Variants in RNF103 observed in about 807,000 individuals in gnomAD.
RNF103 encodes the protein E3 ubiquitin-protein ligase RNF103.
A neutral mutation model predicts 66.2 loss-of-function variants in RNF103; 23 were observed. The ratio of observed to expected loss-of-function variants is 0.35; its 90% CI spans 0.25 to 0.49. The LOEUF (loss-of-function observed/expected upper bound fraction) is 0.49. RNF103 is among the 20% of genes least tolerant of loss of function. RNF103 has a pLI of 0.98. For synonymous variants in RNF103, 297 were observed against 289.9 expected (o/e 1.02, Z -0.25); for missense variants, 730 against 814.7 (o/e 0.90, Z 1.27).
At chr2:86,615,937 T>TA (rs1679001713) in intron 2 of RNF103, among the ~76,000 whole-genome samples, 1 of 152,206 alleles carries the variant, frequency 6.6e-6, no homozygotes, top group Non-Finnish European at 1.5e-5. Context: ...TTCAGCTTCT[T>TA]ACAGTTTAAT....
rs140033438 is a variant in RNF103 at position 86,604,119 on chromosome 2, T to C, written c.1782A>G (p.Ser594=). The C allele has an allele frequency of 6.2e-7, 1 of 1,613,376 alleles. No individual in the cohort carries two copies. Among genetic ancestry groups the C allele is most frequent in the Admixed American group, 1.7e-5 (1 of 60,006 alleles). The part of the protein sequence containing the change: ...QTSPCERKGR[S]YGSYNTNEDM... ...CTTCATTAGTGTTATATGATCCATA[T>C]GACCTCCCCTTCCTTTCACATGGGC... is the stretch of plus-strand genomic sequence containing the variant. The change falls in exon 4 of 4, where the codon TCA becomes TCG. Residue 594 remains serine, a synonymous_variant. Coordinates refer to ENST00000237455, the MANE Select transcript of RNF103 (RefSeq NM_005667.4).
At chr2:86,611,004 T>C (rs936476886) in intron 3 of RNF103, among the ~76,000 whole-genome samples, 1 of 121,736 alleles carries the variant, frequency 8.2e-6, no homozygotes, top group African/African-American at 3.1e-5. Context: ...CAAGACTCCA[T>C]CTCTACAAAA....
At chr2:86,612,696 C>G (rs1678845791) in intron 2 of RNF103, 1 of 153,246 alleles carries the variant, frequency 6.5e-6, no homozygotes, top group East Asian at 1.9e-4. Context: ...GTAGGTTCAA[C>G]AAGTTCAAAT....
intron 3 of RNF103, among the ~76,000 whole-genome samples, chr2:86,609,765 C>A (rs1220156525): frequency 1.3e-5 from 2 of 152,070 alleles, no homozygotes; most frequent in Non-Finnish European, 2.9e-5. Flanking sequence ...ACAGTGGGAC[C>A]AGCACACTGA....
rs191068708 is a variant in RNF103 at position 86,607,347 on chromosome 2, C to T, written c.483-1929G>A. ...GAGTCTTGACGTAGGTAGCATATGG[C>T]TGTATAATGATAATATGACTAATTT... is the stretch of plus-strand genomic sequence containing the variant. On this transcript the variant is annotated intron_variant, in intron 3 of 3. Transcript: ENST00000237455. 9.2e-5 allele frequency among the ~76,000 whole-genome samples: 14 copies of T among 152,208 alleles called. No homozygotes were observed. The East Asian group carries it at 2.7e-3, about 29-fold the overall frequency.
At chr2:86,608,540 A>G (rs1459764190) in intron 3 of RNF103, among the ~76,000 whole-genome samples, 1 of 150,632 alleles carries the variant, frequency 6.6e-6, no homozygotes, top group Admixed American at 6.6e-5. Flanking sequence ...AAACCTTAAC[A>G]TTTCTGTTTA....
Position 86,603,923 on chromosome 2 carries a change from G to C in RNF103, c.1978C>G (p.Pro660Ala), listed in dbSNP as rs1678441437. The change falls in exon 4 of 4, where the codon CCT becomes GCT. Residue 660 changes from proline to alanine, a missense_variant. By Grantham distance (27) the Pro-to-Ala change is conservative. This residue lies in a region of RNF103 where 355 missense variants were observed against 351.9 expected (regional missense o/e 1.01). Coordinates refer to ENST00000237455, the MANE Select transcript of RNF103 (RefSeq NM_005667.4). Reference protein sequence around the residue: ...MWLAGGRHCCPVCRWPSYKKK... With the variant: ...MWLAGGRHCCAVCRWPSYKKK... ...TTATAAGAAGGCCACCGGCAAACAGGGCAACAATGTCGGCCCCCAGCCAAC... is the reference window on the plus strand; with the variant it reads ...TTATAAGAAGGCCACCGGCAAACAGCGCAACAATGTCGGCCCCCAGCCAAC... 6 of 1,614,018 alleles carry C rather than the reference G, an allele frequency of 3.7e-6. No homozygotes were observed. The highest frequency in any genetic ancestry group is 5.1e-6 in the Non-Finnish European group (6 of 1,180,014).
At chr2:86,620,579 G>T in intron 1 of RNF103, 110 bp from the exon 2 acceptor site, 1 of 1,298,366 alleles carries the variant, frequency 7.7e-7, no homozygotes, top group Non-Finnish European at 9.9e-7. Flanking sequence ...TACTTTCATT[G>T]TATTTTATAG....
intron 2 of RNF103, chr2:86,617,371 T>A: frequency 1.1e-6 from 1 of 871,852 alleles, no homozygotes; most frequent in Non-Finnish European, 1.4e-6. Context: ...TCAACTGCAG[T>A]CCGAAAATAC....
rs376209831 is a variant in RNF103, at chr2:86,604,473, A to G, written c.1428T>C (p.Phe476=). The change falls in exon 4 of 4, where the codon TTT becomes TTC. Residue 476 remains phenylalanine (F), a synonymous_variant. Transcript: ENST00000237455. The part of the protein sequence containing the change: ...LFHPIASFQN[F]PVESDWDEDP... ...CTTCGTCCCAATCAGATTCTACAGG[A>G]AAGTTCTGAAAAGAAGCAATCGGGT... The G allele has an allele frequency of 3.8e-5, 61 of 1,614,114 alleles. No homozygotes were observed. Among genetic ancestry groups the G allele is most frequent in the Non-Finnish European group, 4.9e-5 (58 of 1,180,056 alleles).
intron 2 of RNF103, chr2:86,617,249 T>C (rs1381299787): frequency 2.0e-6 from 2 of 985,306 alleles, no homozygotes; most frequent in African/African-American, 1.7e-5. Flanking sequence ...TCTGTGCATC[T>C]TCATTTATGA....
chr2:86,623,021 G>T lies in RNF103; in HGVS notation c.-135C>A. 1 of 1,361,152 alleles carries T rather than the reference G, an allele frequency of 7.3e-7. No individual in the cohort carries two copies. The highest frequency in any genetic ancestry group is 9.4e-7 in the Non-Finnish European group (1 of 1,063,152). 84.3% of individuals were successfully genotyped at this position (1,361,152 alleles called of 1,614,324 possible). On this transcript the variant is annotated 5_prime_UTR_variant, in exon 1 of 4. Transcript: ENST00000237455. ...GCGCGGGCCACCCGGCGCCGTCACT[G>T]GCCGGCCATCCCCGGCGGGGAAGCA...
At position 86,616,569 on chromosome 2, in the gene RNF103, C is replaced by G. The variant is rs1014110266; in HGVS notation, c.366+3761G>C. On this transcript the variant is annotated intron_variant, in intron 2 of 3. Transcript: ENST00000237455. ...AGAAATACGTAATTTAGAATCTCCT[C>G]GAACAAAACTTTTGTCTAGGAGCAA... 7 of 985,230 alleles carry G rather than the reference C, an allele frequency of 7.1e-6. No homozygotes were observed. In the African/African-American group the frequency reaches 1.0e-4, roughly 15 times the overall value. 61.0% of individuals were successfully genotyped at this position (985,230 alleles called of 1,614,324 possible).
intron 2 of RNF103, among the ~76,000 whole-genome samples, chr2:86,615,710 T>TC (rs1678992467): frequency 6.6e-6 from 1 of 151,942 alleles, no homozygotes; most frequent in Non-Finnish European, 1.5e-5. Context: ...GGGAACATTT[T>TC]TAAAGACTAC....
At chr2:86,615,798 T>C (rs1453702980) in intron 2 of RNF103, among the ~76,000 whole-genome samples, 2 of 152,142 alleles carry the variant, frequency 1.3e-5, no homozygotes, top group East Asian at 1.9e-4. Flanking sequence ...TGAAGCAATC[T>C]TTCCATTCCC....
chr2:86,616,648 T>C, intron 2 of RNF103: 2 of 985,330 alleles, frequency 2.0e-6, no homozygotes, highest in Non-Finnish European at 2.4e-6. Flanking sequence ...ACAGGAAATA[T>C]ATTGATGTAA....
chr2:86,614,964 G>A, intron 2 of RNF103: 11 of 985,430 alleles, frequency 1.1e-5, no homozygotes, highest in Non-Finnish European at 1.2e-5. Context: ...TGCCTCGCCA[G>A]TGTAAATATT....
intron 3 of RNF103, among the ~76,000 whole-genome samples, chr2:86,611,478 A>C (rs1678788913): frequency 6.6e-6 from 1 of 152,214 alleles, no homozygotes; most frequent in Admixed American, 6.5e-5. Context: ...GAAATGGAAA[A>C]AAAGGCATTT....
chr2:86,608,846 C>T (rs7592868), intron 3 of RNF103, among the ~76,000 whole-genome samples: 17,613 of 152,188 alleles, frequency 0.12, 2,565 homozygotes, highest in African/African-American at 0.34. Context: ...AATCGATCTG[C>T]TGGTTAGGGA....
Sources: gnomAD v4.1 joint callset for allele counts (sites outside exome capture counted in the v4.1 genomes callset) on GRCh38, gnomAD v4.1.1 for gene constraint, gnomAD v4.1.1 regional missense constraint, MANE v1.5 for transcripts, NCBI Gene and HGNC (gene_info 2026-07-23, HGNC 2026-07-21) for gene names.